The following MAP3K15 variants were observed in gnomAD, a reference collection of about 807,000 sequenced individuals.
MAP3K15 encodes the protein MAPK/ERK kinase kinase 15.
In MAP3K15, 124 loss-of-function variants were observed where a neutral mutation model predicts 99.5. That is an observed-to-expected ratio of 1.25 (90% CI 1.08 to 1.45). The LOEUF (loss-of-function observed/expected upper bound fraction) is 1.45, where lower values mean the gene tolerates loss of function less well. Among genes scored for constraint, MAP3K15 ranks in the 40% most tolerant of loss-of-function variants. The pLI is 0.00. For missense variants in MAP3K15, 1,242 were observed against 1,079.7 expected, an observed-to-expected ratio of 1.15 and a Z score of -2.11; for synonymous variants, 494 against 439.6, an observed-to-expected ratio of 1.12 and a Z score of -1.55.
chrX:19,505,954 C>T (rs1354323828), intron 1 of MAP3K15, among the ~76,000 whole-genome samples: 2 of 109,166 alleles, frequency 1.8e-5, no homozygotes, highest in Non-Finnish European at 3.8e-5. Flanking sequence ...AATTTTGAGA[C>T]GGAGTTTCAC....
At chrX:19,386,645 C>G (rs756881579) in intron 18 of MAP3K15, among the ~76,000 whole-genome samples, 1 of 111,310 alleles carries the variant, frequency 9.0e-6, no homozygotes, top group African/African-American at 3.3e-5. Flanking sequence ...CAGGCACTGA[C>G]TCAGCCCCCC....
intron 6 of MAP3K15, among the ~76,000 whole-genome samples, chrX:19,452,669 A>C (rs931502340): frequency 1.8e-5 from 2 of 112,060 alleles, no homozygotes; most frequent in African/African-American, 6.5e-5. Flanking sequence ...AAGTTCTGAC[A>C]CATGCTACAA....
At chrX:19,471,841 C>T (rs1481138636) in intron 3 of MAP3K15, among the ~76,000 whole-genome samples, 1 of 112,199 alleles carries the variant, frequency 8.9e-6, no homozygotes, top group African/African-American at 3.2e-5. Context: ...TTTATATCCA[C>T]TAAAACTATC....
intron 6 of MAP3K15, among the ~76,000 whole-genome samples, chrX:19,454,779 T>C (rs1271186648): frequency 1.8e-5 from 2 of 112,112 alleles, no homozygotes; most frequent in Non-Finnish European, 1.9e-5. Context: ...TTATCCAAAA[T>C]GCTCGGGACC....
At chrX:19,459,397 A>G (rs2064115559) in intron 5 of MAP3K15, among the ~76,000 whole-genome samples, 1 of 112,573 alleles carries the variant, frequency 8.9e-6, no homozygotes, top group African/African-American at 3.2e-5. Flanking sequence ...ATATAAACTT[A>G]AATTCTTGGC....
chrX:19,400,193 T>G (rs1260189337), intron 14 of MAP3K15, among the ~76,000 whole-genome samples: 1 of 112,064 alleles, frequency 8.9e-6, no homozygotes, highest in Non-Finnish European at 1.9e-5. Flanking sequence ...AGTTGTTATA[T>G]TTCATATAGT....
intron 19 of MAP3K15, among the ~76,000 whole-genome samples, chrX:19,377,983 G>A (rs946485972): frequency 2.7e-5 from 3 of 112,075 alleles, no homozygotes; most frequent in African/African-American, 9.7e-5. Flanking sequence ...CAGGGGCCTC[G>A]CCGGGCTGGA....
At chrX:19,480,006 G>C (rs955321946) in intron 3 of MAP3K15, among the ~76,000 whole-genome samples, 1 of 111,600 alleles carries the variant, frequency 9.0e-6, no homozygotes, top group Non-Finnish European at 1.9e-5. Flanking sequence ...CCTTGAAAAA[G>C]AAATTAAGAA....
At chrX:19,484,675 A>C (rs1280361394) in intron 3 of MAP3K15, among the ~76,000 whole-genome samples, 3 of 111,960 alleles carry the variant, frequency 2.7e-5, no homozygotes, top group Non-Finnish European at 5.6e-5. Context: ...TGGAGAAAGA[A>C]AACGAGTTGT....
chrX:19,459,621 G>A (rs1006989740), intron 5 of MAP3K15, among the ~76,000 whole-genome samples: 5 of 112,330 alleles, frequency 4.5e-5, no homozygotes, highest in South Asian at 3.7e-4. Flanking sequence ...AGGCCGAGGC[G>A]GGTGGATCAC....
chrX:19,429,478 G>A (rs1216223252), intron 7 of MAP3K15, among the ~76,000 whole-genome samples: 2 of 110,492 alleles, frequency 1.8e-5, no homozygotes, highest in African/African-American at 6.6e-5. Context: ...TTAGACCTAG[G>A]AGGGTAGAGA....
intron 3 of MAP3K15, among the ~76,000 whole-genome samples, chrX:19,471,327 C>T (rs768035079): frequency 6.4e-5 from 7 of 109,748 alleles, no homozygotes; most frequent in East Asian, 2.9e-4. Flanking sequence ...TGCAATGGCA[C>T]GATCTTGGAT....
chrX:19,480,781 G>C (rs1221619595), intron 3 of MAP3K15, among the ~76,000 whole-genome samples: 1 of 104,712 alleles, frequency 9.6e-6, no homozygotes, highest in Admixed American at 1.0e-4. Flanking sequence ...AGCGGAGCCT[G>C]TGCACTCCAG....
At chrX:19,500,498 G>T (rs1032174935) in intron 1 of MAP3K15, among the ~76,000 whole-genome samples, 1 of 110,505 alleles carries the variant, frequency 9.0e-6, no homozygotes, top group African/African-American at 3.3e-5. Flanking sequence ...GGGATGGCCT[G>T]CCACAAACCC....
At chrX:19,432,770 C>T (rs1404025544) in intron 6 of MAP3K15, among the ~76,000 whole-genome samples, 2 of 105,215 alleles carry the variant, frequency 1.9e-5, no homozygotes, top group African/African-American at 7.0e-5. Flanking sequence ...GGCTGGAGTG[C>T]AGTGGCATGA....
In MAP3K15 at chrX:19,425,555, A is replaced by C. The variant is rs1393763276; in HGVS notation, c.1415T>G (p.Leu472Trp). 1 of 1,196,510 alleles carries C rather than the reference A, an allele frequency of 8.4e-7. No individual in the cohort carries two copies. The highest frequency in any genetic ancestry group is 1.7e-5 in the African/African-American group (1 of 57,220). The change falls in exon 9 of 29, where the codon TTG (leucine) becomes TGG (tryptophan). Residue 472 changes from leucine (L) to tryptophan (W), a missense_variant. Coordinates refer to ENST00000338883, the MANE Select transcript of MAP3K15 (RefSeq NM_001001671.4). The stretch of plus-strand genomic sequence containing the variant: ...CCAGACTGGAGGTTTCAGTTTGAAC[A>C]ACCTCTCTGCTGCCTGGACGGCTTT... Reference protein sequence around the residue: ...VGKAVQAAERLFKLKPPVWYL... With the variant: ...VGKAVQAAERWFKLKPPVWYL...
intron 3 of MAP3K15, among the ~76,000 whole-genome samples, chrX:19,477,323 GAACAAC>G (rs751372427): frequency 9.0e-5 from 10 of 110,934 alleles, no homozygotes; most frequent in East Asian, 2.8e-4. Context: ...CCACAGGCAG[GAACAAC>G]AACAACAACA....
chrX:19,510,541 T>C (rs1214204291), intron 1 of MAP3K15, among the ~76,000 whole-genome samples: 2 of 112,170 alleles, frequency 1.8e-5, no homozygotes, highest in Non-Finnish European at 3.8e-5. Context: ...ATGGAACATA[T>C]CTCAAAATAA....
At chrX:19,445,080 A>G (rs2063985673) in intron 6 of MAP3K15, among the ~76,000 whole-genome samples, 1 of 111,045 alleles carries the variant, frequency 9.0e-6, no homozygotes, top group South Asian at 3.8e-4. Context: ...TCAACACTAT[A>G]CAGCCTCAGT....
Sources: gnomAD v4.1 joint callset for allele counts (sites outside exome capture counted in the v4.1 genomes callset) on GRCh38, gnomAD v4.1.1 for gene constraint, MANE v1.5 for transcripts, NCBI Gene and HGNC (gene_info 2026-07-23, HGNC 2026-07-21) for gene names.